The following LRMDA variants were observed in gnomAD, a reference collection of about 807,000 sequenced individuals.
LRMDA encodes leucine-rich melanocyte differentiation-associated protein.
Under a neutral mutation model 29.8 loss-of-function variants are expected in LRMDA, and 18 were observed. The ratio of observed to expected loss-of-function variants is 0.60; its 90% CI spans 0.42 to 0.90. The LOEUF (loss-of-function observed/expected upper bound fraction) is 0.90, where lower values mean the gene tolerates loss of function less well. Among genes scored for constraint, LRMDA ranks in the 40% least tolerant of loss-of-function variants. The probability of loss-of-function intolerance (pLI) is 0.00; values close to 1 mark genes in which losing one functional copy is unlikely to be tolerated. For synonymous variants in LRMDA, 125 were observed against 109.4 expected (o/e 1.14, Z -0.89); for missense variants, 273 against 273.9 (o/e 1.00, Z 0.02).
chr10:75,680,901 A>G (rs1362527853), intron 2 of LRMDA, among the ~76,000 whole-genome samples: 1 of 152,200 alleles, frequency 6.6e-6, no homozygotes, highest in Non-Finnish European at 1.5e-5. Context: ...ACTTAGTCAT[A>G]TAATTGTATG....
chr10:76,352,893 C>A (rs1458672350), intron 6 of LRMDA, among the ~76,000 whole-genome samples: 5 of 152,040 alleles, frequency 3.3e-5, no homozygotes, highest in Non-Finnish European at 5.9e-5. Flanking sequence ...ACTCGGTACC[C>A]TTGAAATCCT....
chr10:76,348,404 C>A (rs1349529924), intron 6 of LRMDA, among the ~76,000 whole-genome samples: 2 of 152,200 alleles, frequency 1.3e-5, no homozygotes, highest in Non-Finnish European at 2.9e-5. Context: ...TCCTAGGGAA[C>A]AACCATAAAG....
intron 2 of LRMDA, among the ~76,000 whole-genome samples, chr10:75,628,235 G>A (rs1841277640): frequency 6.6e-6 from 1 of 152,208 alleles, no homozygotes; most frequent in Non-Finnish European, 1.5e-5. Context: ...CACTCTCAGA[G>A]TAGGATGATA....
Position 75,431,697 on chromosome 10 carries a change from C to T in LRMDA, c.-28C>T. 2 of 1,299,108 alleles carry T rather than the reference C, an allele frequency of 1.5e-6. No individual in the cohort carries two copies. Among genetic ancestry groups the T allele is most frequent in the South Asian group, 2.7e-5 (1 of 37,642 alleles). 80.5% of individuals were successfully genotyped at this position (1,299,108 alleles called of 1,614,324 possible). A position where few individuals can be genotyped will look rare whatever the true frequency, so the allele number is the denominator to read the frequency against. ...CTGCCGCCGCGCCCCCGCGCTCCGT[C>T]CCGCGCGCCCGCAGCGTCCTGGCCG... On this transcript the variant is annotated 5_prime_UTR_variant, in exon 1 of 7. Transcript: ENST00000611255.
At chr10:75,629,498 A>T (rs2132111872) in intron 2 of LRMDA, among the ~76,000 whole-genome samples, 1 of 152,312 alleles carries the variant, frequency 6.6e-6, no homozygotes, top group South Asian at 2.1e-4. Flanking sequence ...TCACGTTATT[A>T]TCTCACTGTC....
intron 5 of LRMDA, among the ~76,000 whole-genome samples, chr10:76,128,672 C>T (rs1849931122): frequency 6.6e-6 from 1 of 152,138 alleles, no homozygotes; most frequent in African/African-American, 2.4e-5. Flanking sequence ...TCCTCTTCTC[C>T]CATCTGTGAA....
At chr10:75,775,245 T>A (rs982709538) in intron 2 of LRMDA, among the ~76,000 whole-genome samples, 1 of 152,228 alleles carries the variant, frequency 6.6e-6, no homozygotes, top group Non-Finnish European at 1.5e-5. Context: ...GATTTTCCTC[T>A]TATAAATCTG....
intron 2 of LRMDA, among the ~76,000 whole-genome samples, chr10:75,533,993 TC>T (rs1431866302): frequency 1.3e-5 from 2 of 152,176 alleles, no homozygotes; most frequent in Non-Finnish European, 2.9e-5. Context: ...AGGGTAGCGT[TC>T]GGGGCAGGTG....
At chr10:75,498,344 C>T (rs1564786355) in intron 2 of LRMDA, among the ~76,000 whole-genome samples, 1 of 152,166 alleles carries the variant, frequency 6.6e-6, no homozygotes, top group Non-Finnish European at 1.5e-5. Context: ...TATAGATACC[C>T]ACAGTCACTT....
intron 6 of LRMDA, among the ~76,000 whole-genome samples, chr10:76,330,356 AG>A (rs1840889770): frequency 6.6e-6 from 1 of 152,152 alleles, no homozygotes; most frequent in Non-Finnish European, 1.5e-5. Context: ...GGTTAGACAA[AG>A]GGTATGATCT....
chr10:75,706,110 A>G (rs1455712243), intron 2 of LRMDA, among the ~76,000 whole-genome samples: 1 of 152,160 alleles, frequency 6.6e-6, no homozygotes, highest in Non-Finnish European at 1.5e-5. Flanking sequence ...ACTTTTTGCC[A>G]TGTTGCTTCA....
intron 6 of LRMDA, among the ~76,000 whole-genome samples, chr10:76,344,350 G>GA (rs956101680): frequency 2.0e-5 from 3 of 151,358 alleles, no homozygotes; most frequent in East Asian, 3.9e-4. Context: ...ATATCTCCAA[G>GA]AAAAAAAACC....
chr10:75,894,176 C>T (rs758256240), intron 2 of LRMDA, among the ~76,000 whole-genome samples: 10 of 151,318 alleles, frequency 6.6e-5, no homozygotes, highest in Non-Finnish European at 1.2e-4. Context: ...ATCCCTCGTC[C>T]CCCTCCCACT....
chr10:76,547,561 GGT>G (rs1843436426), intron 6 of LRMDA, among the ~76,000 whole-genome samples: 1 of 152,064 alleles, frequency 6.6e-6, no homozygotes, highest in African/African-American at 2.4e-5. Flanking sequence ...GCCCTCTAGT[GGT>G]GATGCTCCCG....
At chr10:76,008,362 T>C (rs1847711099) in intron 2 of LRMDA, among the ~76,000 whole-genome samples, 2 of 152,216 alleles carry the variant, frequency 1.3e-5, no homozygotes, top group Admixed American at 1.3e-4. Context: ...TGGAGGGGCT[T>C]TACTGGTTAA....
intron 2 of LRMDA, among the ~76,000 whole-genome samples, chr10:75,749,541 G>T (rs1564557329): frequency 6.6e-6 from 1 of 151,552 alleles, no homozygotes; most frequent in Non-Finnish European, 1.5e-5. Flanking sequence ...TTTGTGTATT[G>T]GGCCTCAGTG....
chr10:75,540,441 T>G (rs942824738), intron 2 of LRMDA, among the ~76,000 whole-genome samples: 2 of 152,192 alleles, frequency 1.3e-5, no homozygotes, highest in Admixed American at 6.5e-5. Context: ...ATTTGTCCCA[T>G]GTGTGTGGCC....
At chr10:76,249,477 C>A (rs1852434170) in intron 5 of LRMDA, among the ~76,000 whole-genome samples, 1 of 152,090 alleles carries the variant, frequency 6.6e-6, no homozygotes, top group South Asian at 2.1e-4. Flanking sequence ...CCGATGGCAC[C>A]CATGAAGGAA....
At chr10:76,024,289 A>G (rs1848025586) in intron 2 of LRMDA, among the ~76,000 whole-genome samples, 1 of 152,216 alleles carries the variant, frequency 6.6e-6, no homozygotes, top group African/African-American at 2.4e-5. Flanking sequence ...CTTTTTCTCT[A>G]TGCTGCACAA....
Sources: allele counts gnomAD v4.1 joint callset (sites outside exome capture counted in the v4.1 genomes callset), GRCh38; gene constraint gnomAD v4.1.1; transcripts MANE v1.5; gene names NCBI Gene and HGNC (gene_info 2026-07-23, HGNC 2026-07-21).